The following SFI1 variants were observed in gnomAD, a reference collection of about 807,000 sequenced individuals.
SFI1 encodes SFI1 centrin binding protein.
A neutral mutation model predicts 207.5 loss-of-function variants in SFI1; 195 were observed. The ratio of observed to expected loss-of-function variants is 0.94; its 90% CI spans 0.84 to 1.06. The LOEUF (loss-of-function observed/expected upper bound fraction) is 1.06, where lower values mean the gene tolerates loss of function less well. Ranked by LOEUF, SFI1 falls within the 50% of genes least tolerant of loss-of-function variation. The probability of loss-of-function intolerance (pLI) is 0.00; values close to 1 mark genes in which losing one functional copy is unlikely to be tolerated. For missense variants in SFI1, 1,634 were observed against 1,588.0 expected (o/e 1.03, Z -0.49); for synonymous variants, 630 against 598.9 (o/e 1.05, Z -0.76).
intron 7 of SFI1, among the ~76,000 whole-genome samples, chr22:31,560,270 AC>A (rs1251066005): frequency 6.6e-6 from 1 of 151,850 alleles, no homozygotes; most frequent in East Asian, 1.9e-4. Context: ...GAAAAAAAAA[AC>A]AAGACTGAAA....
intron 15 of SFI1, among the ~76,000 whole-genome samples, chr22:31,600,147 T>C (rs1337276669): frequency 6.6e-6 from 1 of 152,040 alleles, no homozygotes; most frequent in Non-Finnish European, 1.5e-5. Flanking sequence ...CTCAGCCTCC[T>C]GAAGTGTTAG....
intron 5 of SFI1, among the ~76,000 whole-genome samples, chr22:31,549,101 A>G (rs2060377044): frequency 6.6e-6 from 1 of 151,652 alleles, no homozygotes; most frequent in South Asian, 2.1e-4. Flanking sequence ...CAGCCTAGGG[A>G]ACATGGCAAA....
At chr22:31,522,548 T>C (rs1470604716) in intron 2 of SFI1, among the ~76,000 whole-genome samples, 1 of 152,196 alleles carries the variant, frequency 6.6e-6, no homozygotes, top group African/African-American at 2.4e-5. Flanking sequence ...TTTCTAAGAA[T>C]TTGCTTGTTC....
rs201688970 is a variant in SFI1, at chr22:31,615,248, T to C, written c.3269T>C (p.Phe1090Ser). The change falls in exon 29 of 33, where the codon TTC becomes TCC. Residue 1090 changes from phenylalanine to serine, a missense_variant. Coordinates refer to ENST00000400288, the MANE Select transcript of SFI1 (RefSeq NM_001007467.3). The stretch of plus-strand genomic sequence containing the variant: ...CTGCTGCTGCTGCCTCTTTCCTCCT[T>C]CATGCCCTGCGGGGCGGCTGCACCA... ...PELLLLPLSSFMPCGAAAPAR... is the reference protein window; with the variant it reads ...PELLLLPLSSSMPCGAAAPAR... 9.7e-5 allele frequency: 148 copies of C among 1,520,386 alleles called. 1 individual carries two copies. Among genetic ancestry groups the C allele is most frequent in the Non-Finnish European group, 1.2e-4 (137 of 1,141,902 alleles). The allele number at this position is 1,520,386 out of a possible 1,614,324, so 94.2% of individuals were successfully genotyped here. A position where few individuals can be genotyped will look rare whatever the true frequency, so the allele number is the denominator to read the frequency against.
intron 2 of SFI1, among the ~76,000 whole-genome samples, chr22:31,519,873 AG>A (rs1159758941): frequency 2.6e-5 from 4 of 152,122 alleles, no homozygotes; most frequent in African/African-American, 9.6e-5. Flanking sequence ...CCTGGCCAAA[AG>A]TTTTTTTATT....
chr22:31,534,704 G>A (rs2058811646), intron 4 of SFI1, among the ~76,000 whole-genome samples: 1 of 151,076 alleles, frequency 6.6e-6, no homozygotes, highest in Non-Finnish European at 1.5e-5. Context: ...TTCATTGCTT[G>A]TCTTAGTTTT....
intron 9 of SFI1, 105 bp from the exon 10 acceptor site, chr22:31,575,126 T>G: frequency 1.2e-6 from 1 of 821,126 alleles, no homozygotes; most frequent in Non-Finnish European, 1.8e-6. Context: ...GTGTGTGGCC[T>G]TGAACCCCTG....
intron 6 of SFI1, among the ~76,000 whole-genome samples, chr22:31,554,301 T>C (rs543718714): frequency 6.6e-6 from 1 of 152,152 alleles, no homozygotes; most frequent in Non-Finnish European, 1.5e-5. Context: ...ATTATTTCTT[T>C]TTCTTTTTTC....
chr22:31,530,714 C>T (rs2058435402), intron 3 of SFI1: 2 of 435,718 alleles, frequency 4.6e-6, no homozygotes, highest in African/African-American at 2.0e-5. Flanking sequence ...ACTCTGTTTA[C>T]ATTGGAGAAG....
At position 31,613,138 on chromosome 22, in the gene SFI1, C is replaced by T; in HGVS notation, c.2491-4C>T. The T allele has an allele frequency of 6.2e-7, 1 of 1,613,138 alleles. No individual in the cohort carries two copies. On this transcript the variant is annotated splice_region_variant and splice_polypyrimidine_tract_variant and intron_variant, in intron 24 of 32. Transcript: ENST00000400288. ...GGGAAATGATCTGGTCTTTCTGGCC[C>T]TAGCTGGCAGCCAGGAGGCAGGAGC...
At chr22:31,561,444 T>G in intron 8 of SFI1, 52 bp downstream of exon 8, 1 of 1,510,328 alleles carries the variant, frequency 6.6e-7, no homozygotes. Context: ...TTGTCAAGCC[T>G]CTCACCCACA....
intron 5 of SFI1, among the ~76,000 whole-genome samples, chr22:31,549,644 C>T (rs1331130031): frequency 6.6e-6 from 1 of 151,724 alleles, no homozygotes; most frequent in Non-Finnish European, 1.5e-5. Flanking sequence ...AGATTACAGG[C>T]GTGAGCTACT....
chr22:31,525,717 CATAGATAGATAGATAGATAGATAG>C (rs71722302), intron 2 of SFI1, among the ~76,000 whole-genome samples: 39 of 148,726 alleles, frequency 2.6e-4, no homozygotes, highest in Admixed American at 4.8e-4. Flanking sequence ...CTCTGTCATT[CATAGATAGATAGATAGATAGATAG>C]ATAGATAGAT....
intron 2 of SFI1, among the ~76,000 whole-genome samples, chr22:31,524,168 C>T (rs1602114833): frequency 6.6e-6 from 1 of 152,100 alleles, no homozygotes; most frequent in African/African-American, 2.4e-5. Flanking sequence ...CGCCATTGCA[C>T]TCCAGCCTGG....
At position 31,608,134 on chromosome 22, in the gene SFI1, G is replaced by A. The variant is rs1328606203; in HGVS notation, c.2254+101G>A. The A allele has an allele frequency of 6.5e-5, 56 of 859,492 alleles. No homozygotes were observed. In the East Asian group the frequency reaches 1.5e-3, roughly 23 times the overall value. The allele number at this position is 859,492 out of a possible 1,614,324, so 53.2% of individuals were successfully genotyped here. A position where few individuals can be genotyped will look rare whatever the true frequency, so the allele number is the denominator to read the frequency against. On this transcript the variant is annotated intron_variant, in intron 22 of 32. Coordinates refer to ENST00000400288, the MANE Select transcript of SFI1 (RefSeq NM_001007467.3). ...ATAAGTCTGTCTCCTCCTCATACAT[G>A]CCAGTTCCCTGTGGTTGCCATGACA... is the stretch of plus-strand genomic sequence containing the variant.
rs1602705065 is a variant in SFI1, at chr22:31,560,054, AT to A, written c.663-1233del. 2.1e-5 allele frequency: 5 copies of A among 242,078 alleles called. No individual in the cohort carries two copies. In the East Asian group the frequency reaches 5.1e-4, roughly 25 times the overall value. 15.0% of individuals were successfully genotyped at this position (242,078 alleles called of 1,614,324 possible). A position where few individuals can be genotyped will look rare whatever the true frequency, so the allele number is the denominator to read the frequency against. On this transcript the variant is annotated intron_variant, in intron 7 of 32. Transcript: ENST00000400288. ...TTGATGCTGGGGCTGTATTCAGGGA[AT>A]TTGTGATTCCCTGGATGCATAAGAA...
Position 31,603,948 on chromosome 22 carries a change from A to G in SFI1, c.1881+129A>G, listed in dbSNP as rs1474169898. ...GAGCTGAAGGAGGAGAACAGGCAGC[A>G]TAGAAAGTGTTAACTCAGTTTTATG... On this transcript the variant is annotated intron_variant, in intron 18 of 32. Transcript: ENST00000400288. 15 of 906,604 alleles carry G rather than the reference A, an allele frequency of 1.7e-5. No individual in the cohort carries two copies. The Admixed American group carries it at 3.7e-4, about 23-fold the overall frequency. The allele number at this position is 906,604 out of a possible 1,614,324, so 56.2% of individuals were successfully genotyped here.
At chr22:31,536,530 G>A (rs1014121474) in intron 4 of SFI1, among the ~76,000 whole-genome samples, 1 of 152,094 alleles carries the variant, frequency 6.6e-6, no homozygotes, top group African/African-American at 2.4e-5. Flanking sequence ...TCCTGCCTCC[G>A]CCTCCTGAGT....
intron 15 of SFI1, among the ~76,000 whole-genome samples, chr22:31,590,782 C>T (rs1040839171): frequency 1.3e-5 from 2 of 149,772 alleles, no homozygotes; most frequent in African/African-American, 2.4e-5. Context: ...GGATTACAGG[C>T]GTGAGCCACT....
Sources: allele counts gnomAD v4.1 joint callset (sites outside exome capture counted in the v4.1 genomes callset), GRCh38; gene constraint gnomAD v4.1.1; transcripts MANE v1.5; gene names NCBI Gene and HGNC (gene_info 2026-07-23, HGNC 2026-07-21).